The following HS6ST2 variants were observed in gnomAD, a reference collection of about 807,000 sequenced individuals.
HS6ST2 encodes the protein heparan-sulfate 6-O-sulfotransferase 2.
In HS6ST2, 17 loss-of-function variants were observed where a neutral mutation model predicts 33.0. The ratio of observed to expected loss-of-function variants is 0.52; its 90% CI spans 0.35 to 0.77. The LOEUF (loss-of-function observed/expected upper bound fraction) is 0.77. HS6ST2 is among the 30% of genes least tolerant of loss of function. HS6ST2 has a pLI of 0.01. For synonymous variants in HS6ST2, 248 were observed against 237.1 expected (o/e 1.05, Z -0.42); for missense variants, 519 against 551.7 (o/e 0.94, Z 0.59).
chrX:132,782,730 T>C (rs970470230), intron 2 of HS6ST2, among the ~76,000 whole-genome samples: 5 of 111,157 alleles, frequency 4.5e-5, no homozygotes, highest in African/African-American at 1.6e-4. Context: ...TTGATCAGCA[T>C]AGAGCTGGTA....
At position 132,669,200 on chromosome X, in the gene HS6ST2, C is replaced by A. The variant is rs2063837415; in HGVS notation, c.981-1G>T. On this transcript the variant is annotated splice_acceptor_variant, in intron 3 of 4. Coordinates refer to ENST00000370833, the MANE Select transcript of HS6ST2 (RefSeq NM_001394073.1). LOFTEE classifies it high-confidence loss of function. ...GTTTGGAGAACCCCGTTTATCCTTA[C>A]TATACCCACAGAAAGAATAGAAAAC... 1 of 1,198,430 alleles carries A rather than the reference C, an allele frequency of 8.3e-7. No homozygotes were observed. Among genetic ancestry groups the A allele is most frequent in the African/African-American group, 1.8e-5 (1 of 56,645 alleles).
chrX:132,708,623 A>C, intron 2 of HS6ST2, 129 bp from the exon 3 acceptor site: 5 of 549,398 alleles, frequency 9.1e-6, no homozygotes, highest in African/African-American at 2.3e-5. Flanking sequence ...GAAACAGCTC[A>C]TAGATGGCTT....
At chrX:132,792,194 A>G (rs1468521418) in intron 2 of HS6ST2, among the ~76,000 whole-genome samples, 1 of 112,326 alleles carries the variant, frequency 8.9e-6, no homozygotes, top group Non-Finnish European at 1.9e-5. Context: ...ATGATAGAGC[A>G]CCTACCCAAG....
At chrX:132,929,800 A>G (rs936843627) in intron 2 of HS6ST2, among the ~76,000 whole-genome samples, 6 of 111,970 alleles carry the variant, frequency 5.4e-5, no homozygotes, top group African/African-American at 2.0e-4. Context: ...GAAAACTGAT[A>G]GAAAAACTAG....
In HS6ST2 at chrX:132,628,403, A is replaced by T; in HGVS notation, c.1758T>A (p.Ser586Arg). ...GQSQNPNQNQ[S>R]QNPNPNANQN... ...GATTGGCATTCGGATTTGGGTTCTGACTCTGATTCTGATTCGGATTCTGGC... is the reference window on the plus strand; with the variant it reads ...GATTGGCATTCGGATTTGGGTTCTGTCTCTGATTCTGATTCGGATTCTGGC... The change falls in exon 5 of 5, where the codon AGT (serine) becomes AGA (arginine). Residue 586 changes from serine to arginine, a missense_variant. Ser to Arg is a moderately radical substitution (Grantham distance 110, BLOSUM62 -1). Coordinates refer to ENST00000370833, the MANE Select transcript of HS6ST2 (RefSeq NM_001394073.1). The T allele has an allele frequency of 8.4e-7, 1 of 1,197,446 alleles. No individual in the cohort carries two copies. The highest frequency in any genetic ancestry group is 1.1e-6 in the Non-Finnish European group (1 of 885,454).
intron 2 of HS6ST2, among the ~76,000 whole-genome samples, chrX:132,801,252 C>T (rs778336497): frequency 3.7e-5 from 4 of 109,447 alleles, no homozygotes; most frequent in African/African-American, 1.3e-4. Flanking sequence ...GTCGAGATCG[C>T]GTCACTGCAC....
intron 3 of HS6ST2, among the ~76,000 whole-genome samples, chrX:132,680,586 A>G (rs944959943): frequency 9.0e-6 from 1 of 111,598 alleles, no homozygotes; most frequent in African/African-American, 3.3e-5. Flanking sequence ...AAGAAGATTA[A>G]GGAGGACAGG....
intron 2 of HS6ST2, among the ~76,000 whole-genome samples, chrX:132,882,915 T>C (rs2066195418): frequency 9.0e-6 from 1 of 111,703 alleles, no homozygotes; most frequent in Admixed American, 9.5e-5. Flanking sequence ...ACTGTTTATA[T>C]GCTGGATTAC....
intron 4 of HS6ST2, among the ~76,000 whole-genome samples, chrX:132,644,785 A>C (rs2063628521): frequency 9.1e-6 from 1 of 110,427 alleles, no homozygotes; most frequent in African/African-American, 3.3e-5. Context: ...CCAATCAGAA[A>C]CAAAGGGCAT....
chrX:132,883,154 G>T lies in HS6ST2; in HGVS notation c.947+73654C>A, dbSNP rs768798701. ...GATGTTGGCCTCATAAAATGAGTTA[G>T]GGAGGATTCCCTCTTTTTCTACTGA... is the stretch of plus-strand genomic sequence containing the variant. On this transcript the variant is annotated intron_variant, in intron 2 of 4. Transcript: ENST00000370833. Among the ~76,000 whole-genome samples the T allele has an allele frequency of 4.5e-5, 5 of 111,420 alleles. No individual in the cohort carries two copies. The Admixed American group carries it at 4.8e-4, about 11-fold the overall frequency.
intron 2 of HS6ST2, among the ~76,000 whole-genome samples, chrX:132,868,376 C>CA (rs2066016200): frequency 9.0e-6 from 1 of 111,724 alleles, no homozygotes; most frequent in South Asian, 3.7e-4. Context: ...ATCAGCAAGA[C>CA]AAAAAATTAT....
chrX:132,782,661 G>C (rs2065025670), intron 2 of HS6ST2, among the ~76,000 whole-genome samples: 1 of 111,573 alleles, frequency 9.0e-6, no homozygotes. Flanking sequence ...CTAGTAGGCA[G>C]TAGATGGATA....
At chrX:132,777,871 T>C (rs1168140924) in intron 2 of HS6ST2, among the ~76,000 whole-genome samples, 2 of 112,143 alleles carry the variant, frequency 1.8e-5, no homozygotes, top group Non-Finnish European at 3.8e-5. Context: ...GGGGCTTGTC[T>C]GAAGTTGTCG....
At chrX:132,796,221 CA>C (rs1385875299) in intron 2 of HS6ST2, among the ~76,000 whole-genome samples, 1 of 112,311 alleles carries the variant, frequency 8.9e-6, no homozygotes, top group Non-Finnish European at 1.9e-5. Context: ...CTCTGCTCAG[CA>C]GAGACTGATT....
intron 2 of HS6ST2, among the ~76,000 whole-genome samples, chrX:132,841,450 G>A (rs1423163101): frequency 3.6e-5 from 4 of 111,452 alleles, no homozygotes; most frequent in South Asian, 3.8e-4. Context: ...AAAGAAAATC[G>A]ACAGGCATGA....
intron 2 of HS6ST2, among the ~76,000 whole-genome samples, chrX:132,739,431 T>A (rs988053072): frequency 1.8e-5 from 2 of 111,861 alleles, no homozygotes; most frequent in Non-Finnish European, 3.8e-5. Context: ...CCTCATTTTT[T>A]ATTCTATAAA....
Position 132,862,285 on chromosome X carries a change from C to A in HS6ST2, c.947+94523G>T, listed in dbSNP as rs928987102. Among the ~76,000 whole-genome samples the A allele has an allele frequency of 5.4e-5, 6 of 111,776 alleles. No homozygotes were observed. The Admixed American group carries it at 5.7e-4, about 11-fold the overall frequency. On this transcript the variant is annotated intron_variant, in intron 2 of 4. Transcript: ENST00000370833. ...TAGTGCTGTTTTAATGACTGTTGTC[C>A]TTTATTGTATAATTATCAGTTTTAT...
At chrX:132,725,560 A>G (rs1396905502) in intron 2 of HS6ST2, among the ~76,000 whole-genome samples, 4 of 112,349 alleles carry the variant, frequency 3.6e-5, no homozygotes, top group African/African-American at 1.3e-4. Context: ...TACACTGCCG[A>G]TGGGAATGTA....
At chrX:132,659,513 A>G (rs1343416646) in intron 4 of HS6ST2, among the ~76,000 whole-genome samples, 1 of 111,783 alleles carries the variant, frequency 8.9e-6, no homozygotes, top group Non-Finnish European at 1.9e-5. Context: ...AATACTAAAG[A>G]TAAGGTGATA....
Sources: gnomAD v4.1 joint callset for allele counts (sites outside exome capture counted in the v4.1 genomes callset) on GRCh38, gnomAD v4.1.1 for gene constraint, MANE v1.5 for transcripts, NCBI Gene and HGNC (gene_info 2026-07-23, HGNC 2026-07-21) for gene names.